The following SSC5D variants were observed in gnomAD, a reference collection of about 807,000 sequenced individuals.
SSC5D encodes scavenger receptor cysteine rich family member with 5 domains.
Under a neutral mutation model 104.6 loss-of-function variants are expected in SSC5D, and 106 were observed. The ratio of observed to expected loss-of-function variants is 1.01; its 90% CI spans 0.87 to 1.19. The LOEUF is 1.19. SSC5D is among the 50% of genes most tolerant of loss of function. SSC5D has a pLI of 0.00. For missense variants in SSC5D, 1,993 were observed against 2,153.8 expected (o/e 0.93, Z 1.48); for synonymous variants, 860 against 883.5 (o/e 0.97, Z 0.47).
chr19:55,506,729 G>C (rs1031746385), intron 12 of SSC5D, among the ~76,000 whole-genome samples: 13 of 152,122 alleles, frequency 8.5e-5, no homozygotes, highest in Non-Finnish European at 1.6e-4. Flanking sequence ...ATTTCTTCAG[G>C]CTTCCTGGAT....
Position 55,517,525 on chromosome 19 carries a change from C to T in SSC5D, c.3249C>T (p.Thr1083=), listed in dbSNP as rs540579870. 1 of 1,551,452 alleles carries T rather than the reference C, an allele frequency of 6.4e-7. No individual in the cohort carries two copies. The highest frequency in any genetic ancestry group is 8.7e-7 in the Non-Finnish European group (1 of 1,147,002). Residue 1083 remains threonine (T), a synonymous_variant, in exon 14 of 14, where the codon ACC becomes ACT. Transcript: ENST00000389623. ...TPDSSVVPAL[T]PEPSPTPLPT... The stretch of plus-strand genomic sequence containing the variant: ...ACTCCAGTGTGGTTCCCGCGTTGAC[C>T]CCGGAGCCCTCACCCACGCCCTTAC...
intron 4 of SSC5D, 62 bp from the exon 5 acceptor site, chr19:55,490,235 GC>G (rs1326994656): frequency 9.0e-6 from 6 of 663,806 alleles, no homozygotes; most frequent in African/African-American, 1.8e-5. Flanking sequence ...GGAGGCCTGG[GC>G]CCCCAGGTGG....
In SSC5D at chr19:55,518,829, G is replaced by A. The variant is rs748017648; in HGVS notation, c.4553G>A (p.Arg1518His). Residue 1518 changes from arginine (R) to histidine (H), a missense_variant, in exon 14 of 14, where the codon CGC (arginine) becomes CAC (histidine). This residue lies in a region of SSC5D where 349 missense variants were observed against 397.6 expected (regional missense o/e 0.88). Transcript: ENST00000389623. Reference sequence around the variant, plus strand: ...GTCGTGGAACAGGAGCGGCAGGAGCGCCAAGCCCTGCTGCTGGGGCTGACG... The same window carrying A: ...GTCGTGGAACAGGAGCGGCAGGAGCACCAAGCCCTGCTGCTGGGGCTGACG... ...TQVVEQERQE[R>H]QALLLGLTQL... 1.3e-5 allele frequency: 20 copies of A among 1,550,182 alleles called. No individual in the cohort carries two copies. The highest frequency in any genetic ancestry group is 2.7e-5 in the African/African-American group (2 of 73,042).
Position 55,490,775 on chromosome 19 carries a change from G to C in SSC5D, c.590G>C (p.Arg197Pro). ...LLTTGAPRQE[R>P]LRLVSGPHRC... ...CCCCTCCCTGCTCACCCCACAGAGC[G>C]GCTGCGCCTGGTCTCTGGCCCCCAC... Residue 197 changes from arginine to proline, a missense_variant, in exon 6 of 14, where the codon CGG becomes CCG. By Grantham distance (103) the Arg-to-Pro change is moderately radical (BLOSUM62 -2). Transcript: ENST00000389623. The C allele has an allele frequency of 6.5e-7, 1 of 1,529,378 alleles. No homozygotes were observed. 94.7% of individuals were successfully genotyped at this position (1,529,378 alleles called of 1,614,324 possible).
intron 8 of SSC5D, among the ~76,000 whole-genome samples, chr19:55,495,231 A>AT (rs1987285828): frequency 7.7e-5 from 2 of 25,968 alleles, no homozygotes; most frequent in East Asian, 1.4e-3. Flanking sequence ...ATATATATAT[A>AT]TATTTTTTTT....
At position 55,517,707 on chromosome 19, in the gene SSC5D, A is replaced by G. The variant is rs1187195422; in HGVS notation, c.3431A>G (p.Asp1144Gly). ...STVSEYSRSP[D>G]PSPSPHPTTT... is the part of the protein sequence containing the mutation. ...GTCTCAGAATATTCTAGATCCCCAGACCCCTCCCCAAGCCCTCACCCCACT... is the reference window on the plus strand; with the variant it reads ...GTCTCAGAATATTCTAGATCCCCAGGCCCCTCCCCAAGCCCTCACCCCACT... The change falls in exon 14 of 14, where the codon GAC becomes GGC. Residue 1144 changes from aspartate (D) to glycine (G), a missense_variant. Asp to Gly is a moderately conservative substitution (Grantham distance 94). Around this residue, in one of 6 missense-constraint regions of SSC5D, gnomAD observed 423 missense variants for 409.2 expected, o/e 1.03. Coordinates refer to ENST00000389623, the MANE Select transcript of SSC5D (RefSeq NM_001144950.2). The G allele has an allele frequency of 6.5e-7, 1 of 1,547,730 alleles. No homozygotes were observed. The highest frequency in any genetic ancestry group is 8.7e-7 in the Non-Finnish European group (1 of 1,145,920).
At chr19:55,515,266 C>T (rs1375218079) in intron 13 of SSC5D, among the ~76,000 whole-genome samples, 2 of 151,494 alleles carry the variant, frequency 1.3e-5, no homozygotes, top group Non-Finnish European at 2.9e-5. Context: ...CATGGTGGCA[C>T]ATGCCTGTCA....
chr19:55,489,457 C>T lies in SSC5D; in HGVS notation c.156C>T (p.Arg52=), dbSNP rs752376886. Residue 52 remains arginine, a synonymous_variant, in exon 3 of 14, where the codon CGC becomes CGT. Transcript: ENST00000389623. Reference sequence around the variant, plus strand: ...TGTGTGATGACGGCTGGGACCTGCGCGATGCCGCCGTGGCCTGCCGGCAGC... The same window carrying T: ...TGTGTGATGACGGCTGGGACCTGCGTGATGCCGCCGTGGCCTGCCGGCAGC... The part of the protein sequence containing the change: ...GTVCDDGWDL[R]DAAVACRQLG... 16 of 1,479,446 alleles carry T rather than the reference C, an allele frequency of 1.1e-5. No individual in the cohort carries two copies. In the South Asian group the frequency reaches 1.1e-4, roughly 10 times the overall value. The allele number at this position is 1,479,446 out of a possible 1,614,324, so 91.6% of individuals were successfully genotyped here. A position where few individuals can be genotyped will look rare whatever the true frequency, so the allele number is the denominator to read the frequency against.
rs1028586013 is a variant in SSC5D at position 55,500,760 on chromosome 19, A to G, written c.2573A>G (p.Lys858Arg). Residue 858 changes from lysine (K) to arginine (R), a missense_variant, in exon 11 of 14, where the codon AAG becomes AGG. Coordinates refer to ENST00000389623, the MANE Select transcript of SSC5D (RefSeq NM_001144950.2). This position sits in a 1 kb window ranked among gnomAD's most constrained non-coding sequence, Gnocchi z 4.6. ...GACTGCCCCTCGGGGGCTTGGGGGA[A>G]GCACAACTGTGACCACGAGGAAGAC... ...LSDCPSGAWGKHNCDHEEDVG... is the reference protein window; with the variant it reads ...LSDCPSGAWGRHNCDHEEDVG... 2.0e-5 allele frequency: 31 copies of G among 1,551,366 alleles called. No individual in the cohort carries two copies. The African/African-American group carries it at 3.6e-4, about 18-fold the overall frequency.
chr19:55,514,963 C>A (rs1414664043), intron 13 of SSC5D, among the ~76,000 whole-genome samples: 2 of 152,200 alleles, frequency 1.3e-5, no homozygotes, highest in Non-Finnish European at 2.9e-5. Context: ...ACTCGGACAG[C>A]CTGCCTTGAG....
At chr19:55,490,658 G>T in intron 5 of SSC5D, 114 bp from the exon 6 acceptor site, 1 of 1,265,474 alleles carries the variant, frequency 7.9e-7, no homozygotes, top group Non-Finnish European at 1.1e-6. Flanking sequence ...GCTGCCGGCG[G>T]ACAGATCTCA....
chr19:55,489,094 T>C (rs1987050212), intron 2 of SSC5D, 62 bp downstream of exon 2: 1 of 818,882 alleles, frequency 1.2e-6, no homozygotes, highest in Non-Finnish European at 1.6e-6. Context: ...CTTCTGCCCA[T>C]CCAGGCCTGG....
In SSC5D at chr19:55,503,666, TTCTCCCTCCCTTCCAC is replaced by T. The variant is rs1235060902; in HGVS notation, c.2785+2472_2785+2487del. The stretch of plus-strand genomic sequence containing the variant: ...CCGTCGCAGTCGCTGTTTCTCCGTC[TTCTCCCTCCCTTCCAC>T]TCTCCCGCCCTGCTCGCCGTCTGGG... On this transcript the variant is annotated intron_variant, in intron 12 of 13. Coordinates refer to ENST00000389623, the MANE Select transcript of SSC5D (RefSeq NM_001144950.2). This position sits in a 1 kb window ranked among gnomAD's most constrained non-coding sequence, Gnocchi z 4.0. Among the ~76,000 whole-genome samples the T allele has an allele frequency of 6.6e-6, 1 of 152,166 alleles. No individual in the cohort carries two copies.
At chr19:55,514,018 G>A (rs1004373619) in intron 13 of SSC5D, among the ~76,000 whole-genome samples, 1 of 152,058 alleles carries the variant, frequency 6.6e-6, no homozygotes, top group African/African-American at 2.4e-5. Flanking sequence ...GAGAAAGGTG[G>A]GTATTATCCA....
chr19:55,498,849 C>A (rs1483992046), intron 9 of SSC5D, among the ~76,000 whole-genome samples: 1 of 152,236 alleles, frequency 6.6e-6, no homozygotes, highest in Non-Finnish European at 1.5e-5. Flanking sequence ...GAATCTGTTA[C>A]ACTCAGCGTT....
Position 55,495,235 on chromosome 19 carries a change from T to TATATATATATATATATATA in SSC5D, c.1387+452_1387+453insATATATATATATATATATA, listed in dbSNP as rs35787509. ...TCCTTTCATATATATATATATATAT[T>TATATATATATATATATATA]TTTTTTTTTTTTTTTTTTTTTTTTT... On this transcript the variant is annotated intron_variant, in intron 8 of 13. Transcript: ENST00000389623. Among the ~76,000 whole-genome samples the TATATATATATATATATATA allele has an allele frequency of 3.3e-4, 9 of 27,582 alleles. 1 individual carries two copies. Among genetic ancestry groups the TATATATATATATATATATA allele is most frequent in the Non-Finnish European group, 4.2e-4 (7 of 16,796 alleles). 18.1% of individuals were successfully genotyped at this position (27,582 alleles called of 152,430 possible). A position where few individuals can be genotyped will look rare whatever the true frequency, so the allele number is the denominator to read the frequency against.
At chr19:55,498,222 G>C (rs1437036621) in intron 9 of SSC5D, 25 bp downstream of exon 9, 1 of 1,549,946 alleles carries the variant, frequency 6.5e-7, no homozygotes, top group Non-Finnish European at 8.7e-7. Context: ...GCTATCTGTT[G>C]ACTCCAGGAG....
chr19:55,509,881 GA>G (rs11335888), intron 12 of SSC5D, among the ~76,000 whole-genome samples: 135,641 of 137,238 alleles, frequency 0.99, 67,054 homozygotes, highest in Non-Finnish European at 1. Context: ...AAGAGAAAAA[GA>G]AAAAAAAAAG....
At chr19:55,499,672 C>A in intron 9 of SSC5D, 144 bp from the exon 10 acceptor site, 1 of 752,912 alleles carries the variant, frequency 1.3e-6, no homozygotes, top group Non-Finnish European at 2.1e-6. Flanking sequence ...ATAGGAGGTG[C>A]TCAATAAATA....
Sources: allele counts gnomAD v4.1 joint callset (sites outside exome capture counted in the v4.1 genomes callset), GRCh38; gene constraint gnomAD v4.1.1; regional missense constraint gnomAD v4.1.1; non-coding constraint Gnocchi (gnomAD v3.1); transcripts MANE v1.5; gene names NCBI Gene and HGNC (gene_info 2026-07-23, HGNC 2026-07-21).